ADCY8: variants seen among roughly 807,000 people sequenced by gnomAD.
ADCY8 encodes adenylate cyclase type 8.
Under a neutral mutation model 119.7 loss-of-function variants are expected in ADCY8, and 51 were observed. The ratio of observed to expected loss-of-function variants is 0.43; its 90% CI spans 0.34 to 0.54. The LOEUF is 0.54. Among genes scored for constraint, ADCY8 ranks in the 20% least tolerant of loss-of-function variants. The probability of loss-of-function intolerance (pLI) is 0.03; values close to 1 mark genes in which losing one functional copy is unlikely to be tolerated. For missense variants in ADCY8, 1,383 were observed against 1,598.8 expected (o/e 0.87, Z 2.30); for synonymous variants, 665 against 651.0 (o/e 1.02, Z -0.33).
intron 5 of ADCY8, among the ~76,000 whole-genome samples, chr8:130,920,246 C>A (rs2130579236): frequency 6.6e-6 from 1 of 151,236 alleles, no homozygotes; most frequent in Middle Eastern, 3.5e-3. Context: ...CACGTGGCCT[C>A]TTCCCAGAAG....
intron 9 of ADCY8, among the ~76,000 whole-genome samples, chr8:130,856,478 G>A (rs1586489203): frequency 6.6e-6 from 1 of 152,046 alleles, no homozygotes; most frequent in East Asian, 1.9e-4. Flanking sequence ...AGTGACTAGA[G>A]GAGCCCAGCA....
chr8:130,857,974 G>A (rs1817802682), intron 9 of ADCY8, among the ~76,000 whole-genome samples: 2 of 152,152 alleles, frequency 1.3e-5, no homozygotes, highest in African/African-American at 2.4e-5. Flanking sequence ...GTTTTGATAA[G>A]TATTTTAATA....
intron 16 of ADCY8, 31 bp downstream of exon 16, chr8:130,785,352 G>A (rs773749941): frequency 6.7e-7 from 1 of 1,496,048 alleles, no homozygotes; most frequent in East Asian, 2.4e-5. Context: ...ACCCCACCAT[G>A]CATTGTGGCT....
chr8:130,850,374 A>G (rs541770727), intron 9 of ADCY8, among the ~76,000 whole-genome samples: 3 of 152,216 alleles, frequency 2.0e-5, no homozygotes, highest in African/African-American at 7.2e-5. Context: ...AACTCTCATC[A>G]AAACTCTGTC....
At chr8:131,020,098 C>A (rs1456420054) in intron 1 of ADCY8, among the ~76,000 whole-genome samples, 1 of 151,936 alleles carries the variant, frequency 6.6e-6, no homozygotes, top group African/African-American at 2.4e-5. Flanking sequence ...GGAAGGAGAA[C>A]AAGATGAAGA....
chr8:130,883,439 T>G (rs759008756), intron 8 of ADCY8, among the ~76,000 whole-genome samples: 1 of 152,294 alleles, frequency 6.6e-6, no homozygotes, highest in Middle Eastern at 3.4e-3. Context: ...ACACAATCCA[T>G]CTCAAATTGG....
intron 1 of ADCY8, among the ~76,000 whole-genome samples, chr8:131,017,042 C>T (rs540214888): frequency 3.3e-5 from 5 of 151,710 alleles, no homozygotes; most frequent in Non-Finnish European, 7.4e-5. Context: ...AGGACCACTC[C>T]AACTTGGAAT....
chr8:130,884,822 A>G lies in ADCY8; in HGVS notation c.1912-61T>C. 4 of 1,509,664 alleles carry G rather than the reference A, an allele frequency of 2.6e-6. No individual in the cohort carries two copies. The Admixed American group carries it at 6.7e-5, about 25-fold the overall frequency. 93.5% of individuals were successfully genotyped at this position (1,509,664 alleles called of 1,614,324 possible). A position where few individuals can be genotyped will look rare whatever the true frequency, so the allele number is the denominator to read the frequency against. ...CTAGTCCCCTTTAGATAAAACAGAAATGCAATGTTTTTAAATCATGTTGCA... is the reference window on the plus strand; with the variant it reads ...CTAGTCCCCTTTAGATAAAACAGAAGTGCAATGTTTTTAAATCATGTTGCA... On this transcript the variant is annotated intron_variant, in intron 7 of 17. Transcript: ENST00000286355.
intron 2 of ADCY8, among the ~76,000 whole-genome samples, chr8:130,961,586 T>G (rs1361173102): frequency 1.3e-5 from 2 of 152,224 alleles, no homozygotes; most frequent in Non-Finnish European, 2.9e-5. Context: ...ACTGTTGCCC[T>G]GCAACACAGA....
At chr8:130,885,004 T>G (rs950024653) in intron 7 of ADCY8, among the ~76,000 whole-genome samples, 1 of 152,266 alleles carries the variant, frequency 6.6e-6, no homozygotes, top group African/African-American at 2.4e-5. Flanking sequence ...TTCCTTTGGT[T>G]GAGGTATTTG....
Position 130,937,124 on chromosome 8 carries a change from T to C in ADCY8, c.1430A>G (p.Asp477Gly), listed in dbSNP as rs748910830. The C allele has an allele frequency of 6.2e-7, 1 of 1,613,918 alleles. No individual in the cohort carries two copies. The highest frequency in any genetic ancestry group is 8.5e-7 in the Non-Finnish European group (1 of 1,179,872). Reference sequence around the variant, plus strand: ...CATTTCAACACAGCAGTGGGCATGGTCCTGGCGGGGCTCAGGAAGTCCAGA... The same window carrying C: ...CATTTCAACACAGCAGTGGGCATGGCCCTGGCGGGGCTCAGGAAGTCCAGA... Reference protein sequence around the residue: ...CVSGLPEPRQDHAHCCVEMGL... With the variant: ...CVSGLPEPRQGHAHCCVEMGL... The change falls in exon 5 of 18, where the codon GAC (aspartate) becomes GGC (glycine). Residue 477 changes from aspartate to glycine, a missense_variant. By Grantham distance (94) the Asp-to-Gly change is moderately conservative. Around this residue, in one of 2 missense-constraint regions of ADCY8, gnomAD observed 928 missense variants for 1,163.5 expected, o/e 0.80. Coordinates refer to ENST00000286355, the MANE Select transcript of ADCY8 (RefSeq NM_001115.3).
chr8:130,958,259 G>C (rs1232118598), intron 2 of ADCY8, among the ~76,000 whole-genome samples: 1 of 152,230 alleles, frequency 6.6e-6, no homozygotes, highest in African/African-American at 2.4e-5. Flanking sequence ...AGTAAAAAGA[G>C]AGAGTTTCAG....
At chr8:130,887,146 G>T (rs777047537) in intron 7 of ADCY8, among the ~76,000 whole-genome samples, 1 of 152,238 alleles carries the variant, frequency 6.6e-6, no homozygotes, top group Non-Finnish European at 1.5e-5. Flanking sequence ...GTATGTAGAG[G>T]ACATTTGGAA....
chr8:130,790,179 C>T (rs1436284812), intron 15 of ADCY8, among the ~76,000 whole-genome samples: 1 of 152,162 alleles, frequency 6.6e-6, no homozygotes. Context: ...ACTTCTCTTC[C>T]AGATTTGAAC....
At chr8:130,790,207 G>C (rs1335806615) in intron 15 of ADCY8, among the ~76,000 whole-genome samples, 2 of 152,114 alleles carry the variant, frequency 1.3e-5, no homozygotes, top group East Asian at 3.9e-4. Context: ...ATACGGTTCT[G>C]TGGTGTCTTC....
intron 7 of ADCY8, among the ~76,000 whole-genome samples, chr8:130,899,483 G>T (rs773636639): frequency 3.3e-5 from 5 of 152,254 alleles, no homozygotes; most frequent in South Asian, 4.1e-4. Context: ...GCACGCGCCG[G>T]TAATCTCAGC....
chr8:130,868,334 G>A (rs1016760843), intron 8 of ADCY8, among the ~76,000 whole-genome samples: 16 of 151,358 alleles, frequency 1.1e-4, no homozygotes, highest in African/African-American at 3.9e-4. Context: ...ACAGGGAAAT[G>A]TTTTACCAGG....
intron 3 of ADCY8, among the ~76,000 whole-genome samples, chr8:130,944,741 G>A (rs965144169): frequency 4.6e-5 from 7 of 152,174 alleles, no homozygotes; most frequent in African/African-American, 1.7e-4. Context: ...GGAATCCTTA[G>A]ATCTATTGCT....
intron 5 of ADCY8, among the ~76,000 whole-genome samples, chr8:130,923,389 G>A (rs904036076): frequency 6.6e-5 from 10 of 152,068 alleles, no homozygotes; most frequent in Admixed American, 1.3e-4. Context: ...TCTGTTTTTC[G>A]TTTCTTGTCC....
Sources: gnomAD v4.1 joint callset for allele counts (sites outside exome capture counted in the v4.1 genomes callset) on GRCh38, gnomAD v4.1.1 for gene constraint, gnomAD v4.1.1 regional missense constraint, MANE v1.5 for transcripts, NCBI Gene and HGNC (gene_info 2026-07-23, HGNC 2026-07-21) for gene names.